The following CEP89 variants were observed in gnomAD, a reference collection of about 807,000 sequenced individuals.
The protein encoded by CEP89 is centrosomal protein 89.
A neutral mutation model predicts 97.6 loss-of-function variants in CEP89; 95 were observed. The observed-to-expected ratio is 0.97, with a 90% CI of 0.82 to 1.15. The LOEUF is 1.15. Among genes scored for constraint, CEP89 ranks in the 50% most tolerant of loss-of-function variants. The pLI is 0.00. For missense variants in CEP89, 869 were observed against 947.7 expected, an observed-to-expected ratio of 0.92 and a Z score of 1.09; for synonymous variants, 354 against 349.1, an observed-to-expected ratio of 1.01 and a Z score of -0.16.
At position 32,953,678 on chromosome 19, in the gene CEP89, G is replaced by C; in HGVS notation, c.429C>G (p.Val143=). The change falls in exon 4 of 19, where the codon GTC becomes GTG. Residue 143 remains valine, a synonymous_variant. Coordinates refer to ENST00000305768, the MANE Select transcript of CEP89 (RefSeq NM_032816.5). ...LSSSGKELGD[V]SAREDRGGHS... ...GGCCTCCTCTGTCCTCCCGGGCACTGACATCCCCCAATTCCTTGCCGCTGG... is the reference window on the plus strand; with the variant it reads ...GGCCTCCTCTGTCCTCCCGGGCACTCACATCCCCCAATTCCTTGCCGCTGG... 6.2e-7 allele frequency: 1 copy of C among 1,613,984 alleles called. No homozygotes were observed. The highest frequency in any genetic ancestry group is 8.5e-7 in the Non-Finnish European group (1 of 1,179,966).
intron 10 of CEP89, 74 bp from the exon 11 acceptor site, chr19:32,926,347 A>G: frequency 9.6e-7 from 1 of 1,045,716 alleles, no homozygotes; most frequent in Non-Finnish European, 1.5e-6. Context: ...TTAAATGGCA[A>G]GAAGTTATAC....
chr19:32,895,859 C>A (rs1969629376), intron 16 of CEP89, among the ~76,000 whole-genome samples: 1 of 151,734 alleles, frequency 6.6e-6, no homozygotes, highest in South Asian at 2.1e-4. Context: ...ATCAAGAAAG[C>A]AATCCCATTT....
rs138575223 is a variant in CEP89, at chr19:32,913,866, C to T, written c.1565+1471G>A. ...GTTGGCCAGGCTGGTCTCAAACTCC[C>T]CTCCTCAGCTGAACCACCCGCCTCG... On this transcript the variant is annotated intron_variant, in intron 14 of 18. Coordinates refer to ENST00000305768, the MANE Select transcript of CEP89 (RefSeq NM_032816.5). Among the ~76,000 whole-genome samples, 198 of 152,052 alleles carry T rather than the reference C, an allele frequency of 1.3e-3. 4 individuals are homozygous for T. The East Asian group carries it at 0.036, about 28-fold the overall frequency.
At chr19:32,902,260 G>C (rs1969797188) in intron 14 of CEP89, among the ~76,000 whole-genome samples, 1 of 152,108 alleles carries the variant, frequency 6.6e-6, no homozygotes, top group Non-Finnish European at 1.5e-5. Context: ...TTTGCATAGA[G>C]AGTAACTTGG....
intron 16 of CEP89, among the ~76,000 whole-genome samples, chr19:32,890,549 G>GAACTCGACAGGGGA: frequency 6.6e-6 from 1 of 152,094 alleles, no homozygotes; most frequent in South Asian, 2.1e-4. Flanking sequence ...GGAGACCACG[G>GAACTCGACAGGGGA]GAACTCGACA....
At chr19:32,958,422 C>G (rs1246130476) in intron 3 of CEP89, among the ~76,000 whole-genome samples, 3 of 152,146 alleles carry the variant, frequency 2.0e-5, no homozygotes, top group Admixed American at 6.6e-5. Flanking sequence ...TAGTGGCTCA[C>G]ACTTGTAATC....
At chr19:32,887,202 GTGTTT>G (rs1228819824) in intron 17 of CEP89, among the ~76,000 whole-genome samples, 8 of 151,170 alleles carry the variant, frequency 5.3e-5, no homozygotes, top group Non-Finnish European at 1.0e-4. Flanking sequence ...CCTTTTATTG[GTGTTT>G]TGTTTTGTTT....
Position 32,944,220 on chromosome 19 carries a change from T to TAAAAAAAAAAAAAA in CEP89, c.595+4032_595+4045dup, listed in dbSNP as rs750448528. On this transcript the variant is annotated intron_variant, in intron 5 of 18. Coordinates refer to ENST00000305768, the MANE Select transcript of CEP89 (RefSeq NM_032816.5). ...GCCTGGGCAACAGAGTGAGACCCTG[T>TAAAAAAAAAAAAAA]AAAAAAAAAAAAAAAAAGACTCTTC... 9.9e-4 allele frequency among the ~76,000 whole-genome samples: 62 copies of TAAAAAAAAAAAAAA among 62,408 alleles called. 9 individuals are homozygous for TAAAAAAAAAAAAAA. The highest frequency in any genetic ancestry group is 3.8e-3 in the African/African-American group (57 of 14,898). The allele number at this position is 62,408 out of a possible 152,430, so 40.9% of individuals were successfully genotyped here. A position where few individuals can be genotyped will look rare whatever the true frequency, so the allele number is the denominator to read the frequency against.
chr19:32,907,007 G>A (rs563302064), intron 14 of CEP89, among the ~76,000 whole-genome samples: 1 of 151,872 alleles, frequency 6.6e-6, no homozygotes, highest in African/African-American at 2.4e-5. Flanking sequence ...CCTCACCCAG[G>A]ACTTTCTTAA....
intron 4 of CEP89, among the ~76,000 whole-genome samples, chr19:32,951,814 C>T (rs969859314): frequency 6.6e-6 from 1 of 152,070 alleles, no homozygotes. Context: ...CCTAAAAAAA[C>T]AAAATATCTG....
At chr19:32,939,709 C>A in intron 6 of CEP89, 148 bp downstream of exon 6, 1 of 456,820 alleles carries the variant, frequency 2.2e-6, no homozygotes, top group Non-Finnish European at 4.0e-6. Context: ...AAGAAATATT[C>A]AACAGGAAAG....
chr19:32,919,825 T>C (rs113781642), intron 12 of CEP89, among the ~76,000 whole-genome samples: 3,537 of 152,258 alleles, frequency 0.023, 155 homozygotes, highest in African/African-American at 0.081. Flanking sequence ...TAGTATGTTT[T>C]GGTAGAGACA....
chr19:32,922,340 G>C (rs10412219), intron 12 of CEP89, among the ~76,000 whole-genome samples: 95,860 of 151,908 alleles, frequency 0.63, 30,718 homozygotes, highest in African/African-American at 0.72. Context: ...CCAAGAGTTC[G>C]AGACCAGCTT....
intron 1 of CEP89, 95 bp downstream of exon 1, chr19:32,971,741 C>CT: frequency 7.8e-7 from 1 of 1,281,312 alleles, no homozygotes; most frequent in East Asian, 2.5e-5. Context: ...GCCCCCTTGA[C>CT]TGGATCTCAG....
At chr19:32,964,806 C>G (rs1293523947) in intron 2 of CEP89, among the ~76,000 whole-genome samples, 2 of 152,108 alleles carry the variant, frequency 1.3e-5, no homozygotes, top group Non-Finnish European at 2.9e-5. Flanking sequence ...GAAGGAATTA[C>G]AAAGGAGCAT....
At chr19:32,907,124 C>A (rs1279549661) in intron 14 of CEP89, among the ~76,000 whole-genome samples, 1 of 152,174 alleles carries the variant, frequency 6.6e-6, no homozygotes, top group East Asian at 1.9e-4. Context: ...CTTTGGTAGG[C>A]CAAGGCAGGA....
rs779370307 is a variant in CEP89 at position 32,953,701 on chromosome 19, T to C, written c.406A>G (p.Ser136Gly). ...EEDIETQLSS[S>G]GKELGDVSAR... Reference sequence around the variant, plus strand: ...CTGACATCCCCCAATTCCTTGCCGCTGGATGACAGCTGAGTTTCAATGTCC... The same window carrying C: ...CTGACATCCCCCAATTCCTTGCCGCCGGATGACAGCTGAGTTTCAATGTCC... Residue 136 changes from serine (S) to glycine (G), a missense_variant, in exon 4 of 19, where the codon AGC becomes GGC. By Grantham distance (56) the Ser-to-Gly change is moderately conservative (BLOSUM62 0). Transcript: ENST00000305768. The C allele has an allele frequency of 6.2e-7, 1 of 1,614,060 alleles. No homozygotes were observed. Among genetic ancestry groups the C allele is most frequent in the Admixed American group, 1.7e-5 (1 of 60,014 alleles).
In CEP89 at chr19:32,937,662, A is replaced by T. The variant is rs768411878; in HGVS notation, c.636T>A (p.Pro212=). 1 of 1,606,050 alleles carries T rather than the reference A, an allele frequency of 6.2e-7. No homozygotes were observed. ...AGGGTGGAGGTTTCTCACATAATGG[A>T]GGTTTTTCATCCTAGGAAAGAAAGA... ...HPVLNLKDEK[P]PLCEKPPPSP... Residue 212 remains proline, a synonymous_variant, in exon 7 of 19, where the codon CCT becomes CCA. Transcript: ENST00000305768.
intron 13 of CEP89, among the ~76,000 whole-genome samples, chr19:32,916,530 G>C (rs1970130384): frequency 6.6e-6 from 1 of 151,962 alleles, no homozygotes; most frequent in Admixed American, 6.6e-5. Flanking sequence ...ACTAAGAACT[G>C]GATTTATTAT....
Sources: allele counts gnomAD v4.1 joint callset (sites outside exome capture counted in the v4.1 genomes callset), GRCh38; gene constraint gnomAD v4.1.1; transcripts MANE v1.5; gene names NCBI Gene and HGNC (gene_info 2026-07-23, HGNC 2026-07-21).